The following CRLF2 variants were observed in gnomAD, a reference collection of about 807,000 sequenced individuals.
The protein encoded by CRLF2 is cytokine receptor-like factor 2.
A neutral mutation model predicts 38.7 loss-of-function variants in CRLF2; 41 were observed. That is an observed-to-expected ratio of 1.06 (90% CI 0.83 to 1.37). The LOEUF is 1.37. Ranked by LOEUF, CRLF2 falls within the 40% of genes most tolerant of loss-of-function variation. The pLI is 0.00. For missense variants in CRLF2, 377 were observed against 322.2 expected, an observed-to-expected ratio of 1.17 and a Z score of -1.30; for synonymous variants, 140 against 128.8, an observed-to-expected ratio of 1.09 and a Z score of -0.59.
intron 6 of CRLF2, among the ~76,000 whole-genome samples, chrX:1,196,280 C>T (rs1435662598): frequency 1.3e-5 from 2 of 150,068 alleles, no homozygotes; most frequent in Admixed American, 6.7e-5. Context: ...CTCCGACTCC[C>T]AGGTTCAAGC....
chrX:1,201,276 G>GT (rs2086599566), intron 4 of CRLF2, among the ~76,000 whole-genome samples: 1 of 145,852 alleles, frequency 6.9e-6, no homozygotes, highest in African/African-American at 2.7e-5. Flanking sequence ...GTGTGTGTGT[G>GT]CCTGTGTGTG....
At chrX:1,199,985 G>T (rs757668038) in intron 4 of CRLF2, among the ~76,000 whole-genome samples, 2 of 151,064 alleles carry the variant, frequency 1.3e-5, no homozygotes, top group South Asian at 4.2e-4. Context: ...GTGTATATAC[G>T]TGTGTATATA....
chrX:1,199,990 T>C (rs1242699891), intron 4 of CRLF2, among the ~76,000 whole-genome samples: 31 of 151,504 alleles, frequency 2.0e-4, no homozygotes, highest in African/African-American at 7.0e-4. Context: ...TATACGTGTG[T>C]ATATATATGT....
intron 7 of CRLF2, among the ~76,000 whole-genome samples, chrX:1,192,651 T>C (rs1318037684): frequency 6.6e-6 from 1 of 151,870 alleles, no homozygotes; most frequent in East Asian, 1.9e-4. Context: ...TTTTCTTTTT[T>C]TCTTTCTTTC....
intron 1 of CRLF2, among the ~76,000 whole-genome samples, chrX:1,211,494 TAA>T (rs1478815392): frequency 1.3e-4 from 7 of 53,358 alleles, no homozygotes; most frequent in East Asian, 5.2e-4. Flanking sequence ...GATGGATGGA[TAA>T]GTGGATAAAA....
chrX:1,195,940 T>TA (rs2086466721), intron 6 of CRLF2, among the ~76,000 whole-genome samples: 2 of 141,914 alleles, frequency 1.4e-5, no homozygotes, highest in East Asian at 2.0e-4. Flanking sequence ...ATTAAATATA[T>TA]TTATATATAT....
At chrX:1,207,575 T>A (rs2086715477) in intron 2 of CRLF2, among the ~76,000 whole-genome samples, 1 of 139,786 alleles carries the variant, frequency 7.2e-6, no homozygotes, top group Non-Finnish European at 1.5e-5. Flanking sequence ...GAACTGCCCC[T>A]TTTACAGAGG....
intron 5 of CRLF2, among the ~76,000 whole-genome samples, chrX:1,198,242 T>C (rs1371238930): frequency 1.3e-5 from 1 of 78,328 alleles, no homozygotes; most frequent in African/African-American, 5.3e-5. Flanking sequence ...CCCTCCCACC[T>C]CCCAGGAAGG....
intron 6 of CRLF2, among the ~76,000 whole-genome samples, chrX:1,193,721 T>G (rs1340507748): frequency 1.3e-3 from 181 of 137,632 alleles, no homozygotes; most frequent in African/African-American, 4.9e-3. Flanking sequence ...GGTGGAGGTT[T>G]CAGTGATCCG....
In CRLF2 at chrX:1,197,348, G is replaced by A. The variant is rs146561543; in HGVS notation, c.647-448C>T. On this transcript the variant is annotated intron_variant, in intron 5 of 7. Coordinates refer to ENST00000400841, the MANE Select transcript of CRLF2 (RefSeq NM_022148.4). ...TTTTCATTCCTATGGAAAATATCCT[G>A]GAAAGAGACACCGTGTCTCTGGACA... is the stretch of plus-strand genomic sequence containing the variant. Among the ~76,000 whole-genome samples the A allele has an allele frequency of 7.3e-3, 1,108 of 151,402 alleles. 13 individuals carry two copies. Among genetic ancestry groups the A allele is most frequent in the African/African-American group, 0.026 (1,057 of 41,232 alleles).
intron 5 of CRLF2, among the ~76,000 whole-genome samples, chrX:1,197,288 A>T (rs35160059): frequency 0.034 from 4,725 of 139,778 alleles, 106 homozygotes; most frequent in Non-Finnish European, 0.05. Context: ...AGATGGACCT[A>T]TTTTTTTTTT....
intron 4 of CRLF2, among the ~76,000 whole-genome samples, chrX:1,199,652 GTTCTA>G (rs1388039706): frequency 1.3e-5 from 2 of 151,840 alleles, no homozygotes; most frequent in Non-Finnish European, 2.9e-5. Context: ...ACAGATGAAT[GTTCTA>G]TTCTATGTAT....
At chrX:1,202,361 G>C in intron 4 of CRLF2, 41 bp downstream of exon 4, 2 of 1,610,824 alleles carry the variant, frequency 1.2e-6, no homozygotes, top group South Asian at 2.2e-5. Context: ...CCTGGGGGAC[G>C]CTCAGCCACC....
At chrX:1,193,839 T>A (rs1296191100) in intron 6 of CRLF2, among the ~76,000 whole-genome samples, 4 of 147,096 alleles carry the variant, frequency 2.7e-5, no homozygotes, top group African/African-American at 1.0e-4. Context: ...CGGATGCCTG[T>A]AATCCCAGCT....
At chrX:1,201,985 C>CA (rs1211282097) in intron 4 of CRLF2, among the ~76,000 whole-genome samples, 3 of 127,232 alleles carry the variant, frequency 2.4e-5, no homozygotes, top group African/African-American at 7.7e-5. Context: ...GATTGAAAGA[C>CA]AGAGATAGAG....
chrX:1,201,850 A>G (rs1163622914), intron 4 of CRLF2, among the ~76,000 whole-genome samples: 1 of 151,896 alleles, frequency 6.6e-6, no homozygotes, highest in Admixed American at 6.6e-5. Flanking sequence ...AGAGATAGGG[A>G]TGATATATAT....
intron 1 of CRLF2, 60 bp from the exon 2 acceptor site, chrX:1,208,968 A>T (rs753587826): frequency 5.7e-5 from 58 of 1,008,876 alleles, no homozygotes; most frequent in Middle Eastern, 4.6e-4. Context: ...TTATTTTTTT[A>T]AATTTATTTT....
intron 7 of CRLF2, 149 bp from the exon 8 acceptor site, chrX:1,191,309 CT>C (rs2086370753): frequency 2.0e-4 from 70 of 356,132 alleles, no homozygotes; most frequent in South Asian, 4.1e-4. Flanking sequence ...TTCTTTCTTT[CT>C]TTCTTTCTTT....
chrX:1,191,295 CTCTTTCTTTCTTTCTTTCTT>C (rs1237998931), intron 7 of CRLF2, 135 bp from the exon 8 acceptor site: 2 of 318,742 alleles, frequency 6.3e-6, no homozygotes, highest in African/African-American at 5.8e-5. Flanking sequence ...CTTTTCTTTT[CTCTTTCTTTCTTTCTTTCTT>C]TCTTTCTTTC....
Sources: allele counts gnomAD v4.1 joint callset (sites outside exome capture counted in the v4.1 genomes callset), GRCh38; gene constraint gnomAD v4.1.1; transcripts MANE v1.5; gene names NCBI Gene and HGNC (gene_info 2026-07-23, HGNC 2026-07-21).